ARL15: variants seen among roughly 807,000 people sequenced by gnomAD.
ARL15 encodes ADP-ribosylation factor-like protein 15.
Under a neutral mutation model 25.2 loss-of-function variants are expected in ARL15, and 19 were observed. The ratio of observed to expected loss-of-function variants is 0.75; its 90% confidence interval spans 0.53 to 1.10. ARL15 has a LOEUF of 1.10. Among genes scored for constraint, ARL15 ranks in the 50% least tolerant of loss-of-function variants. ARL15 has a pLI of 0.00. For missense variants in ARL15, 220 were observed against 246.0 expected (o/e 0.89, Z 0.71); for synonymous variants, 94 against 86.8 (o/e 1.08, Z -0.46).
chr5:54,092,994 T>C (rs1347490456), intron 4 of ARL15, among the ~76,000 whole-genome samples: 1 of 152,192 alleles, frequency 6.6e-6, no homozygotes, highest in African/African-American at 2.4e-5. Flanking sequence ...TTAAAGAGCC[T>C]TATTGGTCCA....
chr5:53,917,843 A>G (rs1745706266), intron 4 of ARL15, among the ~76,000 whole-genome samples: 2 of 140,928 alleles, frequency 1.4e-5, no homozygotes, highest in Non-Finnish European at 3.2e-5. Context: ...CCCTATTTTT[A>G]TGAGTCTGCC....
At chr5:53,933,793 A>G (rs1746273268) in intron 4 of ARL15, among the ~76,000 whole-genome samples, 1 of 152,190 alleles carries the variant, frequency 6.6e-6, no homozygotes, top group African/African-American at 2.4e-5. Flanking sequence ...GTTCAGTTTT[A>G]GATGATGACG....
intron 4 of ARL15, chr5:53,887,533 A>G (rs1744572537): frequency 3.4e-6 from 2 of 590,580 alleles, no homozygotes; most frequent in South Asian, 2.1e-5. Flanking sequence ...ATAAATAGCA[A>G]ATTATTATGG....
chr5:54,211,202 T>C (rs1484019765), intron 1 of ARL15, among the ~76,000 whole-genome samples: 1 of 151,880 alleles, frequency 6.6e-6, no homozygotes, highest in Non-Finnish European at 1.5e-5. Context: ...TGTCACAGAG[T>C]GGGGGCTATT....
chr5:53,900,638 G>A (rs564293483), intron 4 of ARL15, among the ~76,000 whole-genome samples: 4 of 152,022 alleles, frequency 2.6e-5, no homozygotes, highest in South Asian at 4.2e-4. Context: ...TTAAATAGCT[G>A]AGCTACAATG....
chr5:54,222,811 G>A (rs1756413149), intron 1 of ARL15, among the ~76,000 whole-genome samples: 1 of 151,900 alleles, frequency 6.6e-6, no homozygotes, highest in African/African-American at 2.4e-5. Flanking sequence ...CTTGGCTTAA[G>A]GTATAATACT....
intron 3 of ARL15, among the ~76,000 whole-genome samples, chr5:54,133,414 C>T (rs979352496): frequency 1.3e-5 from 2 of 151,906 alleles, no homozygotes; most frequent in Non-Finnish European, 1.5e-5. Flanking sequence ...AATCAAACCC[C>T]GAGGAGAGAG....
Position 53,996,446 on chromosome 5 carries a change from C to T in ARL15, c.463-109733G>A, listed in dbSNP as rs1314560885. Among the ~76,000 whole-genome samples, 5 of 152,030 alleles carry T rather than the reference C, an allele frequency of 3.3e-5. No homozygotes were observed. The South Asian group carries it at 1.0e-3, about 32-fold the overall frequency. On this transcript the variant is annotated intron_variant, in intron 4 of 4. Transcript: ENST00000504924. ...CCAGCTTTGCCAGCATGGCAAAACT[C>T]CGTCTCCACTAAAAATACAAAAATT...
intron 1 of ARL15, among the ~76,000 whole-genome samples, chr5:54,241,021 C>T (rs1344432900): frequency 1.3e-5 from 2 of 152,148 alleles, no homozygotes; most frequent in Non-Finnish European, 2.9e-5. Context: ...CACATCCCAT[C>T]AGTAATCTGA....
chr5:54,176,120 A>T (rs1263272024), intron 1 of ARL15, among the ~76,000 whole-genome samples: 1 of 152,188 alleles, frequency 6.6e-6, no homozygotes, highest in Non-Finnish European at 1.5e-5. Context: ...AAGAACCCAA[A>T]CCAAAACTGA....
intron 4 of ARL15, among the ~76,000 whole-genome samples, chr5:54,036,754 C>CA (rs1472355383): frequency 6.6e-6 from 1 of 151,852 alleles, no homozygotes; most frequent in Admixed American, 6.6e-5. Flanking sequence ...TTTTAAAGTC[C>CA]AAAAATGTAT....
rs939982737 is a variant in ARL15 at position 54,310,539 on chromosome 5, G to C, written c.-60C>G. Reference sequence around the variant, plus strand: ...CCGGAAAAAAAAAGCAGCGTCTCTGGCTGCGAGCGAGCAGCTCCTGAAAAA... The same window carrying C: ...CCGGAAAAAAAAAGCAGCGTCTCTGCCTGCGAGCGAGCAGCTCCTGAAAAA... On this transcript the variant is annotated 5_prime_UTR_variant, in exon 1 of 5. Coordinates refer to ENST00000504924, the MANE Select transcript of ARL15 (RefSeq NM_019087.3). 2.6e-6 allele frequency: 4 copies of C among 1,542,212 alleles called. No individual in the cohort carries two copies. The African/African-American group carries it at 4.2e-5, about 16-fold the overall frequency.
chr5:54,114,481 A>G lies in ARL15; in HGVS notation c.254-1071T>C, dbSNP rs1752841444. ...CATGTCATGTAGTATTCCTCTTTGTATTTCCATTATATAGCACAACATCTA... is the reference window on the plus strand; with the variant it reads ...CATGTCATGTAGTATTCCTCTTTGTGTTTCCATTATATAGCACAACATCTA... On this transcript the variant is annotated intron_variant, in intron 3 of 4. Transcript: ENST00000504924. Among the ~76,000 whole-genome samples the G allele has an allele frequency of 2.0e-5, 3 of 150,290 alleles. No homozygotes were observed. In the South Asian group the frequency reaches 6.4e-4, roughly 32 times the overall value.
chr5:54,257,071 G>A (rs2112612997), intron 1 of ARL15, among the ~76,000 whole-genome samples: 1 of 152,280 alleles, frequency 6.6e-6, no homozygotes, highest in Non-Finnish European at 1.5e-5. Context: ...GCTAAACGTA[G>A]TACTGGAAGT....
At chr5:53,899,652 A>T (rs1745000679) in intron 4 of ARL15, among the ~76,000 whole-genome samples, 1 of 151,864 alleles carries the variant, frequency 6.6e-6, no homozygotes, top group Non-Finnish European at 1.5e-5. Flanking sequence ...AGCTTTTTTG[A>T]TTGATTCAAG....
At chr5:54,034,656 A>T (rs1355352490) in intron 4 of ARL15, among the ~76,000 whole-genome samples, 1 of 152,054 alleles carries the variant, frequency 6.6e-6, no homozygotes, top group Non-Finnish European at 1.5e-5. Flanking sequence ...AAATACACTT[A>T]AAAACAAAAA....
chr5:54,266,807 G>A (rs1434228149), intron 1 of ARL15, among the ~76,000 whole-genome samples: 1 of 152,172 alleles, frequency 6.6e-6, no homozygotes, highest in East Asian at 1.9e-4. Context: ...GGAAAACCAT[G>A]TGAGATACTA....
intron 4 of ARL15, among the ~76,000 whole-genome samples, chr5:53,930,687 C>T (rs1266200192): frequency 6.6e-6 from 1 of 152,080 alleles, no homozygotes; most frequent in Non-Finnish European, 1.5e-5. Flanking sequence ...GAGGACATTC[C>T]TATGAACAGG....
intron 4 of ARL15, among the ~76,000 whole-genome samples, chr5:54,026,247 A>C (rs1465041231): frequency 6.6e-6 from 1 of 152,168 alleles, no homozygotes; most frequent in East Asian, 1.9e-4. Context: ...GTCACATACC[A>C]AAATTATAGC....
Sources: allele counts gnomAD v4.1 joint callset (sites outside exome capture counted in the v4.1 genomes callset), GRCh38; gene constraint gnomAD v4.1.1; transcripts MANE v1.5; gene names NCBI Gene and HGNC (gene_info 2026-07-23, HGNC 2026-07-21).